ALKAL1: variants seen among roughly 807,000 people sequenced by gnomAD.
ALKAL1 encodes the protein AUG-beta.
Under a neutral mutation model 13.5 loss-of-function variants are expected in ALKAL1, and 23 were observed. The ratio of observed to expected loss-of-function variants is 1.70; its 90% confidence interval spans 1.23 to 2.41. The LOEUF is 2.41. ALKAL1 is among the 30% of genes most tolerant of loss of function. The pLI is 0.00. For synonymous variants in ALKAL1, 85 were observed against 77.7 expected (o/e 1.09, Z -0.49); for missense variants, 181 against 178.4 (o/e 1.01, Z -0.08).
chr8:52,560,989 G>A (rs1400033463), intron 1 of ALKAL1, among the ~76,000 whole-genome samples: 1 of 152,056 alleles, frequency 6.6e-6, no homozygotes, highest in Admixed American at 6.6e-5. Flanking sequence ...ATGTTCATCT[G>A]TTTGACTGTA....
intron 4 of ALKAL1, 39 bp from the exon 5 acceptor site, chr8:52,534,639 G>T (rs1847250000): frequency 1.8e-6 from 1 of 565,842 alleles, no homozygotes; most frequent in South Asian, 2.4e-5. Context: ...TTTATGACCT[G>T]GTTTTTAGAA....
chr8:52,565,187 C>G lies in ALKAL1; in HGVS notation c.70G>C (p.Gly24Arg), dbSNP rs1847588409. 1 of 1,363,612 alleles carries G rather than the reference C, an allele frequency of 7.3e-7. No individual in the cohort carries two copies. 84.5% of individuals were successfully genotyped at this position (1,363,612 alleles called of 1,614,324 possible). ...FLLALALSPHGAHGRPRGRRG... is the reference protein window; with the variant it reads ...FLLALALSPHRAHGRPRGRRG... ...CGCCCCCGGGGCCTCCCGTGGGCTC[C>G]GTGCGGGGACAAAGCCAGCGCCAGC... Residue 24 changes from glycine (G) to arginine (R), a missense_variant, in exon 1 of 5, where the codon GGA (glycine) becomes CGA (arginine). Physicochemically the swap from Gly to Arg is moderately radical, Grantham distance 125. Transcript: ENST00000358543.
chr8:52,551,653 T>C (rs1041321952), intron 1 of ALKAL1, among the ~76,000 whole-genome samples: 1 of 152,040 alleles, frequency 6.6e-6, no homozygotes, highest in Non-Finnish European at 1.5e-5. Flanking sequence ...ATTTATATTA[T>C]TTAAAGTTTT....
At chr8:52,552,458 G>A (rs189221956) in intron 1 of ALKAL1, among the ~76,000 whole-genome samples, 2 of 152,180 alleles carry the variant, frequency 1.3e-5, no homozygotes, top group Non-Finnish European at 2.9e-5. Context: ...ACTATGCTCA[G>A]CCCACACTTG....
At chr8:52,560,094 A>G (rs1277724240) in intron 1 of ALKAL1, among the ~76,000 whole-genome samples, 2 of 152,246 alleles carry the variant, frequency 1.3e-5, no homozygotes, top group Admixed American at 1.3e-4. Context: ...AACTAATATG[A>G]GTTTCAGTGT....
Position 52,538,504 on chromosome 8 carries a change from T to C in ALKAL1, c.329A>G (p.Tyr110Cys). 2 of 1,603,536 alleles carry C rather than the reference T, an allele frequency of 1.2e-6. No homozygotes were observed. The highest frequency in any genetic ancestry group is 1.7e-6 in the Non-Finnish European group (2 of 1,171,992). ...TGTTAACAATCTAGCACATCTTTTG[T>C]AATCTAGGAAAAACATTTAAAGGTA... is the stretch of plus-strand genomic sequence containing the variant. ...NTRECSTPAY[Y>C]KRCARLLTRL... The change falls in exon 4 of 5, where the codon TAC becomes TGC. Residue 110 changes from tyrosine (Y) to cysteine (C), a missense_variant. Transcript: ENST00000358543.
intron 4 of ALKAL1, among the ~76,000 whole-genome samples, chr8:52,535,448 G>A (rs1459297753): frequency 6.7e-6 from 1 of 149,868 alleles, no homozygotes; most frequent in Non-Finnish European, 1.5e-5. Context: ...CTACTTGAGA[G>A]GCTGAGGTGG....
intron 2 of ALKAL1, 140 bp from the exon 3 acceptor site, chr8:52,540,051 C>G (rs1405607596): frequency 3.6e-6 from 2 of 554,734 alleles, no homozygotes; most frequent in Admixed American, 7.0e-5. Context: ...GAGAGCTCTT[C>G]CCCCTACCCA....
At chr8:52,540,045 G>T in intron 2 of ALKAL1, 134 bp from the exon 3 acceptor site, 1 of 586,514 alleles carries the variant, frequency 1.7e-6, no homozygotes, top group Non-Finnish European at 2.8e-6. Flanking sequence ...GTGCCTGAGA[G>T]CTCTTCCCCC....
At chr8:52,552,363 C>A (rs1235441466) in intron 1 of ALKAL1, among the ~76,000 whole-genome samples, 1 of 152,032 alleles carries the variant, frequency 6.6e-6, no homozygotes, top group African/African-American at 2.4e-5. Context: ...TGGCTGAGTC[C>A]CTGTGTGTCA....
In ALKAL1 at chr8:52,565,060, A is replaced by T. The variant is rs964243319; in HGVS notation, c.190+7T>A. On this transcript the variant is annotated splice_region_variant and intron_variant, in intron 1 of 4. Transcript: ENST00000358543. ...GCAAAGGATGGGGCGGGATGGGGAC[A>T]TCGTACCTGCGCTCCGGGAGCCGCT... 4.3e-6 allele frequency: 6 copies of T among 1,387,320 alleles called. No homozygotes were observed. Among genetic ancestry groups the T allele is most frequent in the Non-Finnish European group, 4.7e-6 (5 of 1,068,876 alleles). The allele number at this position is 1,387,320 out of a possible 1,614,324, so 85.9% of individuals were successfully genotyped here. A position where few individuals can be genotyped will look rare whatever the true frequency, so the allele number is the denominator to read the frequency against.
chr8:52,552,841 G>A (rs1847442797), intron 1 of ALKAL1, among the ~76,000 whole-genome samples: 1 of 152,112 alleles, frequency 6.6e-6, no homozygotes, highest in African/African-American at 2.4e-5. Context: ...CCTAGTCTTG[G>A]TTTTAGGGAT....
At chr8:52,560,639 G>T (rs1171875844) in intron 1 of ALKAL1, among the ~76,000 whole-genome samples, 3 of 152,220 alleles carry the variant, frequency 2.0e-5, no homozygotes, top group Non-Finnish European at 4.4e-5. Flanking sequence ...GGGTGATTCT[G>T]TTGACCTCTG....
intron 3 of ALKAL1, 53 bp from the exon 4 acceptor site, chr8:52,538,560 G>T: frequency 1.7e-6 from 2 of 1,188,272 alleles, no homozygotes; most frequent in Non-Finnish European, 2.4e-6. Flanking sequence ...GAAATGTTGG[G>T]GAAATCCTGT....
intron 1 of ALKAL1, among the ~76,000 whole-genome samples, chr8:52,564,087 A>C (rs539695340): frequency 6.6e-6 from 1 of 152,354 alleles, no homozygotes; most frequent in African/African-American, 2.4e-5. Flanking sequence ...AGAAGGGATC[A>C]GGAGCTGTGG....
At chr8:52,539,779 C>T (rs574085139) in intron 3 of ALKAL1, 52 bp downstream of exon 3, 22 of 1,299,506 alleles carry the variant, frequency 1.7e-5, no homozygotes, top group Non-Finnish European at 2.2e-5. Flanking sequence ...TAAAATTAAA[C>T]GCATTTATTG....
At chr8:52,536,621 T>G (rs1847269109) in intron 4 of ALKAL1, among the ~76,000 whole-genome samples, 1 of 152,212 alleles carries the variant, frequency 6.6e-6, no homozygotes, top group Admixed American at 6.5e-5. Context: ...CTCTTATTAT[T>G]ACAATATCTT....
At chr8:52,547,330 T>G (rs1295697128) in intron 1 of ALKAL1, among the ~76,000 whole-genome samples, 1 of 151,904 alleles carries the variant, frequency 6.6e-6, no homozygotes, top group East Asian at 1.9e-4. Flanking sequence ...AAACCCCATC[T>G]CCATTAAAAA....
intron 1 of ALKAL1, among the ~76,000 whole-genome samples, chr8:52,563,326 G>A (rs1847569890): frequency 6.6e-6 from 1 of 152,174 alleles, no homozygotes; most frequent in Non-Finnish European, 1.5e-5. Context: ...AGCTACGTGG[G>A]AGGCTGAGGC....
Sources: gnomAD v4.1 joint callset for allele counts (sites outside exome capture counted in the v4.1 genomes callset) on GRCh38, gnomAD v4.1.1 for gene constraint, MANE v1.5 for transcripts, NCBI Gene and HGNC (gene_info 2026-07-23, HGNC 2026-07-21) for gene names.